The following RNF216 variants were observed in gnomAD, a reference collection of about 807,000 sequenced individuals.
The protein encoded by RNF216 is ring finger protein 216.
In RNF216, 72 loss-of-function variants were observed where a neutral mutation model predicts 110.8. The observed-to-expected ratio is 0.65, with a 90% CI of 0.54 to 0.79. The LOEUF (loss-of-function observed/expected upper bound fraction) is 0.79, where lower values mean the gene tolerates loss of function less well. Among genes scored for constraint, RNF216 ranks in the 30% least tolerant of loss-of-function variants. The pLI is 0.00. For missense variants in RNF216, 1,342 were observed against 1,141.2 expected, an observed-to-expected ratio of 1.18 and a Z score of -2.54; for synonymous variants, 495 against 407.5, an observed-to-expected ratio of 1.21 and a Z score of -2.59.
intron 2 of RNF216, among the ~76,000 whole-genome samples, chr7:5,754,913 A>G (rs1424568239): frequency 1.7e-4 from 26 of 152,160 alleles, no homozygotes; most frequent in Admixed American, 1.3e-4. Flanking sequence ...CTGTAATCCC[A>G]GCTACCTGGG....
chr7:5,706,673 T>C (rs910767600), intron 13 of RNF216, among the ~76,000 whole-genome samples: 2 of 152,234 alleles, frequency 1.3e-5, no homozygotes, highest in East Asian at 1.9e-4. Flanking sequence ...AATGCTGCAA[T>C]GAACACAGGA....
At position 5,680,697 on chromosome 7, in the gene RNF216, C is replaced by T. The variant is rs1421239465; in HGVS notation, c.2062-28187G>A. On this transcript the variant is annotated intron_variant, in intron 13 of 16. Coordinates refer to ENST00000389902, the MANE Select transcript of RNF216 (RefSeq NM_207111.4). The surrounding 1 kb of genome is among the most constrained non-coding windows in gnomAD (Gnocchi z 4.3). ...GATTACAGGTGTGAGCCACCGCGCCCAGCACTCAACACTTCTACTTGGATA... is the reference window on the plus strand; with the variant it reads ...GATTACAGGTGTGAGCCACCGCGCCTAGCACTCAACACTTCTACTTGGATA... Among the ~76,000 whole-genome samples the T allele has an allele frequency of 6.6e-6, 1 of 152,076 alleles. No individual in the cohort carries two copies. The highest frequency in any genetic ancestry group is 2.4e-5 in the African/African-American group (1 of 41,400).
intron 13 of RNF216, among the ~76,000 whole-genome samples, chr7:5,683,661 C>T (rs1234817681): frequency 6.6e-6 from 1 of 152,188 alleles, no homozygotes; most frequent in African/African-American, 2.4e-5. Flanking sequence ...TCAGTGTCCT[C>T]ATCAAGGAGA....
At chr7:5,672,958 G>C (rs1790017033) in intron 13 of RNF216, among the ~76,000 whole-genome samples, 1 of 152,198 alleles carries the variant, frequency 6.6e-6, no homozygotes, top group South Asian at 2.1e-4. Flanking sequence ...AAAGTACTGA[G>C]ATGTCCTGGC....
chr7:5,739,529 G>T (rs1301885352), intron 4 of RNF216, 177 bp from the exon 5 acceptor site: 18 of 697,546 alleles, frequency 2.6e-5, no homozygotes, highest in Non-Finnish European at 4.7e-5. Flanking sequence ...TGTCTACATA[G>T]AAGATGAGGT....
intron 15 of RNF216, among the ~76,000 whole-genome samples, chr7:5,631,139 A>C (rs904219494): frequency 1.5e-4 from 23 of 152,242 alleles, no homozygotes; most frequent in African/African-American, 5.5e-4. Flanking sequence ...AAACAAAACA[A>C]AACACTTCTA....
chr7:5,641,673 T>C (rs548222929), intron 14 of RNF216, among the ~76,000 whole-genome samples: 6 of 152,294 alleles, frequency 3.9e-5, no homozygotes, highest in East Asian at 1.9e-4. Flanking sequence ...TACCCTGGCA[T>C]AGTGCCCAGT....
chr7:5,707,729 T>G (rs1195195425), intron 13 of RNF216, among the ~76,000 whole-genome samples: 2 of 145,356 alleles, frequency 1.4e-5, no homozygotes, highest in Non-Finnish European at 3.0e-5. Context: ...TTTTTTTTTT[T>G]TTTTTTTTTT....
intron 14 of RNF216, among the ~76,000 whole-genome samples, chr7:5,651,035 C>A (rs1481806348): frequency 1.3e-5 from 2 of 152,148 alleles, no homozygotes; most frequent in African/African-American, 4.8e-5. Flanking sequence ...TAGACCAATG[C>A]GATACGAGCG....
At chr7:5,757,943 CCAG>C (rs1795733404) in intron 2 of RNF216, among the ~76,000 whole-genome samples, 1 of 152,080 alleles carries the variant, frequency 6.6e-6, no homozygotes, top group East Asian at 1.9e-4. Flanking sequence ...TCACTTGAGC[CCAG>C]CAGTTCAAGA....
At chr7:5,711,328 C>G (rs965795220) in intron 13 of RNF216, among the ~76,000 whole-genome samples, 5 of 152,122 alleles carry the variant, frequency 3.3e-5, no homozygotes, top group Non-Finnish European at 7.3e-5. Context: ...GGAGATGCCA[C>G]TAAGATGCCC....
chr7:5,753,711 C>T (rs2128664769), intron 2 of RNF216, among the ~76,000 whole-genome samples: 1 of 152,174 alleles, frequency 6.6e-6, no homozygotes, highest in East Asian at 1.9e-4. Context: ...TAAAAAAAAG[C>T]ATTGGCCGGG....
chr7:5,624,033 G>A lies in RNF216; in HGVS notation c.2452+23C>T, dbSNP rs1295931355. 3 of 1,608,616 alleles carry A rather than the reference G, an allele frequency of 1.9e-6. No individual in the cohort carries two copies. The highest frequency in any genetic ancestry group is 2.5e-6 in the Non-Finnish European group (3 of 1,176,780). On this transcript the variant is annotated intron_variant, in intron 16 of 16. Transcript: ENST00000389902. The surrounding 1 kb of genome is among the most constrained non-coding windows in gnomAD (Gnocchi z 4.4). ...ATGGCCTGGCTGCTGCTCTGTCCTG[G>A]GGGCCTGGGGAGGGGCACTTGCCTC... is the stretch of plus-strand genomic sequence containing the variant.
intron 8 of RNF216, 46 bp downstream of exon 8, chr7:5,725,278 G>A (rs201192054): frequency 1.8e-6 from 2 of 1,112,082 alleles, no homozygotes; most frequent in East Asian, 4.7e-5. Context: ...AGAAGAAAAG[G>A]TACAGTGTTG....
At chr7:5,740,104 C>CTTTTTTTTTTTTTTTTTTTTTTTTT (rs71004698) in intron 4 of RNF216, among the ~76,000 whole-genome samples, 1 of 118,498 alleles carries the variant, frequency 8.4e-6, no homozygotes, top group Non-Finnish European at 1.7e-5. Flanking sequence ...GATGTAACAC[C>CTTTTTTTTTTTTTTTTTTTTTTTTT]TTTTTTTTTT....
At chr7:5,722,562 T>TAG (rs1463830977) in intron 8 of RNF216, among the ~76,000 whole-genome samples, 35 of 151,860 alleles carry the variant, frequency 2.3e-4, no homozygotes, top group Non-Finnish European at 3.8e-4. Flanking sequence ...GGCTAATTTT[T>TAG]TGTATTTTTA....
At position 5,624,497 on chromosome 7, in the gene RNF216, C is replaced by T. The variant is rs186636754; in HGVS notation, c.2383-372G>A. On this transcript the variant is annotated intron_variant, in intron 15 of 16. Transcript: ENST00000389902. This position sits in a 1 kb window ranked among gnomAD's most constrained non-coding sequence, Gnocchi z 4.4. The stretch of plus-strand genomic sequence containing the variant: ...GGGCACAGCCTGAAAAGTTTCAGAT[C>T]CCAAGTCCACAAGCGCTCGGCATGG... 2.3e-3 allele frequency among the ~76,000 whole-genome samples: 347 copies of T among 152,348 alleles called. 1 individual carries two copies. The highest frequency in any genetic ancestry group is 4.9e-3 in the Admixed American group (75 of 15,306).
chr7:5,726,367 T>TC (rs1159639734), intron 7 of RNF216, among the ~76,000 whole-genome samples: 5 of 152,150 alleles, frequency 3.3e-5, no homozygotes, highest in African/African-American at 1.2e-4. Flanking sequence ...AGGCAAATCT[T>TC]CCATGTTGTT....
intron 5 of RNF216, among the ~76,000 whole-genome samples, chr7:5,735,438 G>A (rs1174190811): frequency 1.3e-5 from 2 of 151,884 alleles, no homozygotes; most frequent in African/African-American, 4.8e-5. Flanking sequence ...ATTGGTTAAA[G>A]AAATTAAAAA....
Sources: allele counts gnomAD v4.1 joint callset (sites outside exome capture counted in the v4.1 genomes callset), GRCh38; gene constraint gnomAD v4.1.1; non-coding constraint Gnocchi (gnomAD v3.1); transcripts MANE v1.5; gene names NCBI Gene and HGNC (gene_info 2026-07-23, HGNC 2026-07-21).